The following VWC2L variants were observed in gnomAD, a reference collection of about 807,000 sequenced individuals.
VWC2L encodes von Willebrand factor C domain containing 2 like, also known as von Willebrand factor C domain-containing protein 2-like.
VWC2L carries 10 observed loss-of-function variants against 21.6 expected under a neutral mutation model. The observed-to-expected ratio is 0.46, with a 90% CI of 0.29 to 0.78. The LOEUF (loss-of-function observed/expected upper bound fraction) is 0.78, where lower values mean the gene tolerates loss of function less well. Ranked by LOEUF, VWC2L falls within the 30% of genes least tolerant of loss-of-function variation. VWC2L has a pLI of 0.10. For synonymous variants in VWC2L, 96 were observed against 94.3 expected (o/e 1.02, Z -0.10); for missense variants, 209 against 277.1 (o/e 0.75, Z 1.74).
At chr2:214,485,624 G>T (rs1461145225) in intron 3 of VWC2L, among the ~76,000 whole-genome samples, 12 of 152,294 alleles carry the variant, frequency 7.9e-5, no homozygotes, top group Admixed American at 7.8e-4. Context: ...TGTAGTAGGA[G>T]GCTAACATTC....
At chr2:214,490,635 G>A (rs756371139) in intron 3 of VWC2L, among the ~76,000 whole-genome samples, 4 of 152,076 alleles carry the variant, frequency 2.6e-5, no homozygotes, top group Non-Finnish European at 5.9e-5. Flanking sequence ...GAGTACAAAG[G>A]GAAACAGGCC....
At chr2:214,510,635 G>C (rs1689037906) in intron 3 of VWC2L, among the ~76,000 whole-genome samples, 1 of 152,108 alleles carries the variant, frequency 6.6e-6, no homozygotes, top group African/African-American at 2.4e-5. Context: ...TTAAACTTAG[G>C]ACTTCTCCTG....
At chr2:214,482,082 G>A (rs1188707555) in intron 3 of VWC2L, among the ~76,000 whole-genome samples, 3 of 152,022 alleles carry the variant, frequency 2.0e-5, no homozygotes, top group South Asian at 2.1e-4. Context: ...TTGAAACATT[G>A]GCAAAAATAT....
rs996804748 is a variant in VWC2L, at chr2:214,519,732, A to G, written c.521-55940A>G. 1.6e-3 allele frequency among the ~76,000 whole-genome samples: 240 copies of G among 152,090 alleles called. 5 individuals carry two copies. Among genetic ancestry groups the G allele is most frequent in the Non-Finnish European group, 6.2e-4 (42 of 68,002 alleles). ...TCCACTGGTCTATGGTGATGGTCCCATTTTCTCCCCATAGCTTGCTCTGAA... is the reference window on the plus strand; with the variant it reads ...TCCACTGGTCTATGGTGATGGTCCCGTTTTCTCCCCATAGCTTGCTCTGAA... On this transcript the variant is annotated intron_variant, in intron 3 of 3. Coordinates refer to ENST00000312504, the MANE Select transcript of VWC2L (RefSeq NM_001080500.4).
intron 3 of VWC2L, among the ~76,000 whole-genome samples, chr2:214,508,706 T>C (rs1290455447): frequency 6.6e-6 from 1 of 152,216 alleles, no homozygotes; most frequent in Admixed American, 6.5e-5. Flanking sequence ...ATATTTTAAA[T>C]TCCAAGGGCT....
At chr2:214,467,368 G>A (rs1703232451) in intron 3 of VWC2L, among the ~76,000 whole-genome samples, 1 of 137,894 alleles carries the variant, frequency 7.3e-6, no homozygotes, top group Non-Finnish European at 1.5e-5. Flanking sequence ...CCTCACTCAA[G>A]CTGCCTTGGT....
rs569525705 is a variant in VWC2L, at chr2:214,522,494, C to T, written c.521-53178C>T. On this transcript the variant is annotated intron_variant, in intron 3 of 3. Coordinates refer to ENST00000312504, the MANE Select transcript of VWC2L (RefSeq NM_001080500.4). The stretch of plus-strand genomic sequence containing the variant: ...AGTCGGTGTCTATATTTATGGGGTA[C>T]AGGAGACATTGGGGTACAGAAGATG... Among the ~76,000 whole-genome samples the T allele has an allele frequency of 2.2e-3, 326 of 151,010 alleles. 1 individual carries two copies. Among genetic ancestry groups the T allele is most frequent in the African/African-American group, 7.5e-3 (310 of 41,064 alleles).
chr2:214,483,408 G>A (rs531273095), intron 3 of VWC2L, among the ~76,000 whole-genome samples: 75 of 149,876 alleles, frequency 5.0e-4, no homozygotes, highest in Middle Eastern at 6.9e-3. Flanking sequence ...AATGTATCTG[G>A]CAAAAGCAAA....
chr2:214,527,690 G>T (rs1321936476), intron 3 of VWC2L, among the ~76,000 whole-genome samples: 1 of 152,118 alleles, frequency 6.6e-6, no homozygotes, highest in Admixed American at 6.6e-5. Context: ...CTTTCCACAA[G>T]CCTGCCCTGA....
intron 3 of VWC2L, among the ~76,000 whole-genome samples, chr2:214,532,936 C>CTGTGCTAGAGAGAGGAGACCG (rs1689463418): frequency 6.6e-6 from 1 of 152,068 alleles, no homozygotes; most frequent in Non-Finnish European, 1.5e-5. Context: ...AGAGGGGACC[C>CTGTGCTAGAGAGAGGAGACCG]TGACAGGCTG....
intron 3 of VWC2L, among the ~76,000 whole-genome samples, chr2:214,485,032 T>C (rs1688656376): frequency 6.6e-6 from 1 of 152,134 alleles, no homozygotes; most frequent in African/African-American, 2.4e-5. Context: ...GAAGTCTGTA[T>C]CTGGCCGGGT....
At chr2:214,509,485 G>A (rs13029509) in intron 3 of VWC2L, among the ~76,000 whole-genome samples, 52,712 of 151,284 alleles carry the variant, frequency 0.35, 11,049 homozygotes, top group Non-Finnish European at 0.48. Flanking sequence ...AAATGTGTTC[G>A]TTGATGATAT....
chr2:214,440,435 C>T (rs1389678622), intron 3 of VWC2L, among the ~76,000 whole-genome samples: 1 of 151,878 alleles, frequency 6.6e-6, no homozygotes, highest in Non-Finnish European at 1.5e-5. Flanking sequence ...TTACTTTGAC[C>T]TATCTTTCAG....
chr2:214,422,343 T>C (rs1315790829), intron 2 of VWC2L, among the ~76,000 whole-genome samples: 2 of 151,972 alleles, frequency 1.3e-5, no homozygotes, highest in African/African-American at 4.8e-5. Flanking sequence ...GGAGCAAGAG[T>C]GTTCTTACTT....
intron 3 of VWC2L, among the ~76,000 whole-genome samples, chr2:214,460,727 A>G (rs1303909843): frequency 6.6e-6 from 1 of 152,106 alleles, no homozygotes; most frequent in Non-Finnish European, 1.5e-5. Context: ...GCTGAACTTA[A>G]TATCATTATT....
chr2:214,492,614 T>C (rs943418553), intron 3 of VWC2L, among the ~76,000 whole-genome samples: 1 of 152,222 alleles, frequency 6.6e-6, no homozygotes, highest in Non-Finnish European at 1.5e-5. Context: ...TCACTTATCG[T>C]GTGTATATAA....
chr2:214,478,373 G>A (rs938585221), intron 3 of VWC2L, among the ~76,000 whole-genome samples: 4 of 151,994 alleles, frequency 2.6e-5, no homozygotes, highest in African/African-American at 9.7e-5. Context: ...CAGCTACTCA[G>A]GAGGCTGAGG....
At chr2:214,427,211 A>C (rs563440505) in intron 2 of VWC2L, among the ~76,000 whole-genome samples, 35 of 152,354 alleles carry the variant, frequency 2.3e-4, no homozygotes, top group African/African-American at 7.7e-4. Flanking sequence ...AATATGACAG[A>C]GAAAAAAACA....
rs1419669262 is a variant in VWC2L, at chr2:214,522,411, T to TC, written c.521-53260dup. On this transcript the variant is annotated intron_variant, in intron 3 of 3. Coordinates refer to ENST00000312504, the MANE Select transcript of VWC2L (RefSeq NM_001080500.4). Reference sequence around the variant, plus strand: ...AAAAAAAAAAATTGCATTTTTTTCCTCTTTGCTGATTCCTCCTCCACTTCT... The same window carrying TC: ...AAAAAAAAAAATTGCATTTTTTTCCTCCTTTGCTGATTCCTCCTCCACTTCT... 2.0e-4 allele frequency among the ~76,000 whole-genome samples: 30 copies of TC among 150,340 alleles called. No individual in the cohort carries two copies. In the East Asian group the frequency reaches 5.7e-3, roughly 29 times the overall value.
Sources: allele counts gnomAD v4.1 joint callset (sites outside exome capture counted in the v4.1 genomes callset), GRCh38; gene constraint gnomAD v4.1.1; transcripts MANE v1.5; gene names NCBI Gene and HGNC (gene_info 2026-07-23, HGNC 2026-07-21).